AK8: variants seen among roughly 807,000 people sequenced by gnomAD.
The protein encoded by AK8 is ATP-AMP transphosphorylase 8.
A neutral mutation model predicts 54.6 loss-of-function variants in AK8; 44 were observed. The ratio of observed to expected loss-of-function variants is 0.81; its 90% CI spans 0.63 to 1.04. AK8 has a LOEUF of 1.04. AK8 is among the 50% of genes least tolerant of loss of function. The probability of loss-of-function intolerance (pLI) is 0.00; values close to 1 mark genes in which losing one functional copy is unlikely to be tolerated. For synonymous variants in AK8, 239 were observed against 245.6 expected (o/e 0.97, Z 0.25); for missense variants, 555 against 613.6 (o/e 0.90, Z 1.01).
In AK8 at chr9:132,820,271, G is replaced by T. The variant is rs150603094; in HGVS notation, c.889+2934C>A. On this transcript the variant is annotated intron_variant, in intron 9 of 12. Transcript: ENST00000298545. ...CAGCTCTGCCGAGATAAGCAGTTTG[G>T]TGTATGGATATTTCTTCATGCTTTT... Among the ~76,000 whole-genome samples, 143 of 150,888 alleles carry T rather than the reference G, an allele frequency of 9.5e-4. 2 individuals are homozygous for T. In the East Asian group the frequency reaches 0.016, roughly 17 times the overall value.
At chr9:132,759,740 T>A (rs1482403672) in intron 11 of AK8, among the ~76,000 whole-genome samples, 1 of 152,186 alleles carries the variant, frequency 6.6e-6, no homozygotes, top group Non-Finnish European at 1.5e-5. Flanking sequence ...CATTATCAAG[T>A]GTGAGTGTTT....
upstream of AK8, chr9:132,878,372 C>A: frequency 1.6e-6 from 2 of 1,249,128 alleles, no homozygotes; most frequent in Non-Finnish European, 2.0e-6. The surrounding 1 kb of genome is among the most constrained non-coding windows in gnomAD (Gnocchi z 4.7). Context: ...GCCCAGATAC[C>A]CGATCCTCGG....
intron 10 of AK8, among the ~76,000 whole-genome samples, chr9:132,798,246 C>G (rs891154213): frequency 1.3e-5 from 2 of 152,180 alleles, no homozygotes; most frequent in Non-Finnish European, 2.9e-5. Flanking sequence ...TGTAAATTCC[C>G]CAAACCCACC....
chr9:132,866,457 C>T (rs186479280), intron 3 of AK8, among the ~76,000 whole-genome samples: 4 of 152,256 alleles, frequency 2.6e-5, no homozygotes, highest in East Asian at 3.9e-4. Context: ...ACGTGAATAT[C>T]GATGGTACAG....
chr9:132,834,700 C>G (rs1411191128), intron 5 of AK8, among the ~76,000 whole-genome samples: 1 of 152,100 alleles, frequency 6.6e-6, no homozygotes, highest in Non-Finnish European at 1.5e-5. Flanking sequence ...AGTGATTTTT[C>G]TAAACAGAGT....
At chr9:132,849,703 C>A (rs1425099149) in intron 5 of AK8, among the ~76,000 whole-genome samples, 1 of 152,196 alleles carries the variant, frequency 6.6e-6, no homozygotes, top group African/African-American at 2.4e-5. Context: ...ACTGCTACTC[C>A]CTCGCCAGCA....
chr9:132,819,094 T>A (rs942023840), intron 9 of AK8, among the ~76,000 whole-genome samples: 37 of 152,206 alleles, frequency 2.4e-4, no homozygotes, highest in African/African-American at 6.5e-4. Context: ...ATAACTATCC[T>A]TACTGTATAC....
rs72759429 is a variant in AK8 at position 132,867,281 on chromosome 9, C to T, written c.170-328G>A. On this transcript the variant is annotated intron_variant, in intron 2 of 12. Transcript: ENST00000298545. Reference sequence around the variant, plus strand: ...TTAAACAGGGACTTTGTCTCAGGAACGCTCTCTCCAATAAGGCTGTAATTT... The same window carrying T: ...TTAAACAGGGACTTTGTCTCAGGAATGCTCTCTCCAATAAGGCTGTAATTT... Among the ~76,000 whole-genome samples, 552 of 152,302 alleles carry T rather than the reference C, an allele frequency of 3.6e-3. 1 individual carries two copies. Among genetic ancestry groups the T allele is most frequent in the Non-Finnish European group, 6.2e-3 (420 of 68,030 alleles).
At chr9:132,769,943 A>G (rs1838885084) in intron 11 of AK8, 1 of 152,170 alleles carries the variant, frequency 6.6e-6, no homozygotes. Flanking sequence ...TTGGGTCTTC[A>G]ACAGGGTAAT....
chr9:132,767,270 C>T (rs1173371452), intron 11 of AK8, among the ~76,000 whole-genome samples: 10 of 152,038 alleles, frequency 6.6e-5, no homozygotes, highest in African/African-American at 1.9e-4. Context: ...AACTCAATAG[C>T]AAAGCCAATT....
At chr9:132,841,428 G>C (rs1024186079) in intron 5 of AK8, among the ~76,000 whole-genome samples, 2 of 152,234 alleles carry the variant, frequency 1.3e-5, no homozygotes, top group Non-Finnish European at 2.9e-5. Context: ...CAGCGGCGTG[G>C]GGGTAGCATC....
At chr9:132,761,284 T>TG (rs1554787120) in intron 11 of AK8, among the ~76,000 whole-genome samples, 1 of 149,286 alleles carries the variant, frequency 6.7e-6, no homozygotes, top group Non-Finnish European at 1.5e-5. Flanking sequence ...TTTTTTTTTT[T>TG]GAGACAGGGT....
chr9:132,840,444 ACACAAGG>A (rs1304442375), intron 5 of AK8, among the ~76,000 whole-genome samples: 2 of 148,354 alleles, frequency 1.3e-5, no homozygotes, highest in Non-Finnish European at 3.0e-5. Flanking sequence ...ACACACACAC[ACACAAGG>A]CAAGTGAACA....
chr9:132,805,684 T>G (rs1840688299), intron 10 of AK8, among the ~76,000 whole-genome samples: 1 of 152,026 alleles, frequency 6.6e-6, no homozygotes, highest in Admixed American at 6.6e-5. Flanking sequence ...TAAGCAAAGG[T>G]GCTCACCCGC....
At chr9:132,730,520 G>A (rs1009135447) in intron 11 of AK8, among the ~76,000 whole-genome samples, 1 of 151,468 alleles carries the variant, frequency 6.6e-6, no homozygotes. Flanking sequence ...AGGGTTGGGC[G>A]GGATCTTAGA....
intron 10 of AK8, among the ~76,000 whole-genome samples, chr9:132,804,245 G>T (rs1448439257): frequency 6.6e-6 from 1 of 152,174 alleles, no homozygotes; most frequent in Non-Finnish European, 1.5e-5. Flanking sequence ...AGGGACCCAG[G>T]TCAACTGCCA....
intron 5 of AK8, among the ~76,000 whole-genome samples, chr9:132,850,319 C>T (rs1333204149): frequency 2.1e-5 from 3 of 142,596 alleles, no homozygotes; most frequent in African/African-American, 5.2e-5. Context: ...AGAGCTGAGT[C>T]GTTGCGATAG....
chr9:132,848,978 G>A lies in AK8; in HGVS notation c.402+5879C>T, dbSNP rs1047577490. Among the ~76,000 whole-genome samples the A allele has an allele frequency of 2.7e-5, 4 of 145,930 alleles. 1 individual carries two copies. On this transcript the variant is annotated intron_variant, in intron 5 of 12. Coordinates refer to ENST00000298545, the MANE Select transcript of AK8 (RefSeq NM_152572.3). ...GGCTGGAGTGCAGTGGCGTGATCTC[G>A]GCTCACTGCAACCTCTGCCTCTTGG... is the stretch of plus-strand genomic sequence containing the variant.
intron 2 of AK8, among the ~76,000 whole-genome samples, chr9:132,870,557 T>C (rs1305650981): frequency 6.6e-6 from 1 of 152,266 alleles, no homozygotes; most frequent in Admixed American, 6.5e-5. Context: ...CCTGCTTTAA[T>C]ATTGCCCAGG....
Sources: allele counts gnomAD v4.1 joint callset (sites outside exome capture counted in the v4.1 genomes callset), GRCh38; gene constraint gnomAD v4.1.1; non-coding constraint Gnocchi (gnomAD v3.1); transcripts MANE v1.5; gene names NCBI Gene and HGNC (gene_info 2026-07-23, HGNC 2026-07-21).